Variants in APBA1 observed in about 807,000 individuals in gnomAD.
APBA1 encodes amyloid-beta A4 precursor protein-binding family A member 1.
A neutral mutation model predicts 86.6 loss-of-function variants in APBA1; 55 were observed. The observed-to-expected ratio is 0.64, with a 90% CI of 0.51 to 0.80. The LOEUF is 0.80. Among genes scored for constraint, APBA1 ranks in the 30% least tolerant of loss-of-function variants. The probability of loss-of-function intolerance (pLI) is 0.00; values close to 1 mark genes in which losing one functional copy is unlikely to be tolerated. For synonymous variants in APBA1, 511 were observed against 493.9 expected (o/e 1.03, Z -0.46); for missense variants, 1,090 against 1,183.0 (o/e 0.92, Z 1.15).
At chr9:69,653,538 C>T (rs1029387223) in intron 1 of APBA1, among the ~76,000 whole-genome samples, 15 of 152,154 alleles carry the variant, frequency 9.9e-5, no homozygotes, top group African/African-American at 3.6e-4. Flanking sequence ...GAAGTATTTT[C>T]CAGGATAGAC....
At position 69,516,776 on chromosome 9, in the gene APBA1, C is replaced by G; in HGVS notation, c.435G>C (p.Ala145=). Residue 145 remains alanine, a synonymous_variant, in exon 2 of 13, where the codon GCG becomes GCC. Coordinates refer to ENST00000265381, the MANE Select transcript of APBA1 (RefSeq NM_001163.4). This position sits in a 1 kb window ranked among gnomAD's most constrained non-coding sequence, Gnocchi z 7.3. The part of the protein sequence containing the change: ...AEHAEATHRR[A]LPNHLHFHSL... ...AGTGGAAGTGCAGGTGGTTGGGCAG[C>G]GCGCGGCGGTGCGTGGCCTCGGCGT... 1 of 1,611,310 alleles carries G rather than the reference C, an allele frequency of 6.2e-7. No individual in the cohort carries two copies.
At chr9:69,644,681 T>A (rs1175188440) in intron 1 of APBA1, among the ~76,000 whole-genome samples, 1 of 152,068 alleles carries the variant, frequency 6.6e-6, no homozygotes, top group Non-Finnish European at 1.5e-5. Flanking sequence ...CACAAATAAC[T>A]GGTTTGAGTA....
chr9:69,467,959 G>A lies in APBA1; in HGVS notation c.1346C>T (p.Pro449Leu). The A allele has an allele frequency of 6.2e-7, 1 of 1,614,108 alleles. No homozygotes were observed. The highest frequency in any genetic ancestry group is 8.5e-7 in the Non-Finnish European group (1 of 1,180,018). The change falls in exon 5 of 13, where the codon CCC (proline) becomes CTC (leucine). Residue 449 changes from proline (P) to leucine (L), a missense_variant. Around this residue, in one of 6 missense-constraint regions of APBA1, gnomAD observed 76 missense variants for 122.2 expected, o/e 0.62. Coordinates refer to ENST00000265381, the MANE Select transcript of APBA1 (RefSeq NM_001163.4). ...SFPTYVEVPG[P>L]CDPEDLIDGI... ...ATCGATCAAGTCTTCGGGGTCGCAGGGTCCCGGAACTGTAACACATAGAGC... is the reference window on the plus strand; with the variant it reads ...ATCGATCAAGTCTTCGGGGTCGCAGAGTCCCGGAACTGTAACACATAGAGC...
intron 2 of APBA1, among the ~76,000 whole-genome samples, chr9:69,485,288 C>T (rs576608046): frequency 1.3e-4 from 20 of 152,180 alleles, no homozygotes; most frequent in African/African-American, 4.6e-4. Flanking sequence ...CAAACAGCTT[C>T]AAAACAGACA....
At chr9:69,442,906 T>A (rs2777867) in intron 10 of APBA1, among the ~76,000 whole-genome samples, 1 of 151,994 alleles carries the variant, frequency 6.6e-6, no homozygotes, top group Non-Finnish European at 1.5e-5. Flanking sequence ...CCTGCTCAGG[T>A]ACCCTGCCTG....
intron 1 of APBA1, among the ~76,000 whole-genome samples, chr9:69,631,069 C>T (rs1021912177): frequency 2.6e-5 from 4 of 152,160 alleles, no homozygotes; most frequent in Non-Finnish European, 4.4e-5. Context: ...TAAGATTAAA[C>T]GATTTATCCT....
At chr9:69,511,860 G>A (rs557242338) in intron 2 of APBA1, among the ~76,000 whole-genome samples, 34 of 151,762 alleles carry the variant, frequency 2.2e-4, no homozygotes, top group Non-Finnish European at 4.6e-4. Context: ...ACTCATAGGC[G>A]GGAATTGAAC....
chr9:69,601,416 TA>T (rs1294569988), intron 1 of APBA1, among the ~76,000 whole-genome samples: 1 of 152,232 alleles, frequency 6.6e-6, no homozygotes, highest in East Asian at 1.9e-4. Flanking sequence ...GAACTTGTGC[TA>T]AAGAGGATGT....
intron 1 of APBA1, among the ~76,000 whole-genome samples, chr9:69,602,424 A>C (rs143075736): frequency 0.021 from 3,150 of 152,114 alleles, 121 homozygotes; most frequent in African/African-American, 0.072. Context: ...ACAAACAATT[A>C]GCTGGGCATG....
chr9:69,484,059 G>C (rs1165621159), intron 2 of APBA1, among the ~76,000 whole-genome samples: 1 of 151,990 alleles, frequency 6.6e-6, no homozygotes, highest in African/African-American at 2.4e-5. Flanking sequence ...GTAATTTTCT[G>C]TCACAAAGAT....
rs138234962 is a variant in APBA1, at chr9:69,450,497, T to C, written c.1969-701A>G. 2.9e-3 allele frequency among the ~76,000 whole-genome samples: 437 copies of C among 152,242 alleles called. 2 individuals are homozygous for C. The highest frequency in any genetic ancestry group is 9.8e-3 in the African/African-American group (408 of 41,526). ...TTGGAAGCACCCAACAGAGTGTGTA[T>C]GTGTATTTTTGGGGGGCTTGACAAA... On this transcript the variant is annotated intron_variant, in intron 9 of 12. Coordinates refer to ENST00000265381, the MANE Select transcript of APBA1 (RefSeq NM_001163.4).
At chr9:69,651,915 C>T (rs186444029) in intron 1 of APBA1, among the ~76,000 whole-genome samples, 64 of 152,336 alleles carry the variant, frequency 4.2e-4, no homozygotes, top group African/African-American at 1.5e-3. Flanking sequence ...GCCCAAACCC[C>T]CAATGTGACT....
intron 3 of APBA1, among the ~76,000 whole-genome samples, chr9:69,473,469 G>A (rs933665693): frequency 1.3e-5 from 2 of 152,142 alleles, no homozygotes; most frequent in Admixed American, 1.3e-4. Flanking sequence ...TAGCCTCCAG[G>A]TATATCTAAG....
intron 1 of APBA1, among the ~76,000 whole-genome samples, chr9:69,517,930 T>G (rs1293888476): frequency 1.3e-5 from 2 of 152,218 alleles, no homozygotes; most frequent in Admixed American, 6.5e-5. Context: ...TGGAAAATGC[T>G]GAGTTACAGT....
chr9:69,496,509 A>G (rs1835797256), intron 2 of APBA1, among the ~76,000 whole-genome samples: 1 of 152,056 alleles, frequency 6.6e-6, no homozygotes, highest in Non-Finnish European at 1.5e-5. Flanking sequence ...AAACGGGGCC[A>G]GAGAGAGGGT....
At position 69,435,828 on chromosome 9, in the gene APBA1, G is replaced by A. The variant is rs181268360; in HGVS notation, c.2302-3152C>T. Among the ~76,000 whole-genome samples the A allele has an allele frequency of 2.6e-5, 4 of 152,214 alleles. 1 individual carries two copies. The highest frequency in any genetic ancestry group is 2.6e-4 in the Admixed American group (4 of 15,278). On this transcript the variant is annotated intron_variant, in intron 11 of 12. Coordinates refer to ENST00000265381, the MANE Select transcript of APBA1 (RefSeq NM_001163.4). ...CCATTTGTCAATTATGGCTTTTGTT[G>A]CCATTGCTTTTGGTGTTTTAGACAT...
chr9:69,511,684 C>CA (rs1190725406), intron 2 of APBA1, among the ~76,000 whole-genome samples: 1 of 151,918 alleles, frequency 6.6e-6, no homozygotes, highest in Non-Finnish European at 1.5e-5. Flanking sequence ...AAATGTCCAA[C>CA]AATGACAGAC....
chr9:69,471,919 T>C (rs2089726544), intron 3 of APBA1, among the ~76,000 whole-genome samples: 1 of 152,156 alleles, frequency 6.6e-6, no homozygotes, highest in Non-Finnish European at 1.5e-5. Context: ...TCTAGAAATC[T>C]TACATTTCAC....
chr9:69,575,060 G>T (rs1287209570), intron 1 of APBA1, among the ~76,000 whole-genome samples: 1 of 152,054 alleles, frequency 6.6e-6, no homozygotes, highest in East Asian at 1.9e-4. Context: ...CAGACTACAG[G>T]TGTGCACCAC....
Sources: gnomAD v4.1 joint callset for allele counts (sites outside exome capture counted in the v4.1 genomes callset) on GRCh38, gnomAD v4.1.1 for gene constraint, gnomAD v4.1.1 regional missense constraint, Gnocchi (gnomAD v3.1) non-coding constraint, MANE v1.5 for transcripts, NCBI Gene and HGNC (gene_info 2026-07-23, HGNC 2026-07-21) for gene names.